Variants in SH3PXD2A observed in about 807,000 individuals in gnomAD.
SH3PXD2A encodes SH3 and PX domain-containing protein 2A.
A neutral mutation model predicts 115.2 loss-of-function variants in SH3PXD2A; 32 were observed. The observed-to-expected ratio is 0.28, with a 90% CI of 0.21 to 0.37. SH3PXD2A has a LOEUF of 0.37. SH3PXD2A is among the 10% of genes least tolerant of loss of function. The pLI is 1.00. For missense variants in SH3PXD2A, 1,328 were observed against 1,498.7 expected, an observed-to-expected ratio of 0.89 and a Z score of 1.88; for synonymous variants, 610 against 629.1, an observed-to-expected ratio of 0.97 and a Z score of 0.45.
Position 103,603,738 on chromosome 10 carries a change from C to T in SH3PXD2A, c.1480G>A (p.Glu494Lys). The T allele has an allele frequency of 6.2e-7, 1 of 1,611,188 alleles. No homozygotes were observed. Among genetic ancestry groups the T allele is most frequent in the Non-Finnish European group, 8.5e-7 (1 of 1,179,958 alleles). Residue 494 changes from glutamate to lysine, a missense_variant, in exon 15 of 15, where the codon GAG becomes AAG. Physicochemically the swap from Glu to Lys is moderately conservative, Grantham distance 56 (BLOSUM62 1). Around this residue, in one of 5 missense-constraint regions of SH3PXD2A, gnomAD observed 509 missense variants for 628.3 expected, o/e 0.81. Transcript: ENST00000369774. ...ATGTATGATGCGGGGGCCCAGCCCT[C>T]CTTCTCACCGATCTGCACGTACCAC... ...GWWYVQIGEK[E>K]GWAPASYIDK...
At chr10:103,644,094 G>A (rs562382928) in intron 8 of SH3PXD2A, among the ~76,000 whole-genome samples, 5 of 140,190 alleles carry the variant, frequency 3.6e-5, no homozygotes, top group South Asian at 4.7e-4. Context: ...CAGCCTGGGC[G>A]ACAGAGCGAG....
intron 1 of SH3PXD2A, among the ~76,000 whole-genome samples, chr10:103,820,965 G>A (rs1184321991): frequency 6.6e-6 from 1 of 152,184 alleles, no homozygotes. Flanking sequence ...CTTAACTGGT[G>A]TAAGATCTTG....
Position 103,620,892 on chromosome 10 carries a change from T to C in SH3PXD2A, c.802+1578A>G, listed in dbSNP as rs1399270951. Reference sequence around the variant, plus strand: ...ATGAAGCTGTATGTGCCCTTGTGAGTGTTGCTGTGGAGGAATGGGTGGCGT... The same window carrying C: ...ATGAAGCTGTATGTGCCCTTGTGAGCGTTGCTGTGGAGGAATGGGTGGCGT... On this transcript the variant is annotated intron_variant, in intron 10 of 14. Coordinates refer to ENST00000369774, the MANE Select transcript of SH3PXD2A (RefSeq NM_001394015.1). This position sits in a 1 kb window ranked among gnomAD's most constrained non-coding sequence, Gnocchi z 5.3. Among the ~76,000 whole-genome samples, 1 of 152,046 alleles carries C rather than the reference T, an allele frequency of 6.6e-6. No individual in the cohort carries two copies. Among genetic ancestry groups the C allele is most frequent in the East Asian group, 1.9e-4 (1 of 5,200 alleles).
At chr10:103,824,702 C>T (rs1027685680) in intron 1 of SH3PXD2A, among the ~76,000 whole-genome samples, 1 of 152,188 alleles carries the variant, frequency 6.6e-6, no homozygotes, top group Non-Finnish European at 1.5e-5. Context: ...CCCTCCTACC[C>T]TGCTCTCATA....
At chr10:103,800,664 CCTGA>C (rs1324491153) in intron 2 of SH3PXD2A, among the ~76,000 whole-genome samples, 1 of 152,188 alleles carries the variant, frequency 6.6e-6, no homozygotes, top group Non-Finnish European at 1.5e-5. Context: ...CCCAAAGAGG[CCTGA>C]CTAACTTAGC....
chr10:103,684,873 AACTGGACGTGG>A (rs1002688776), intron 6 of SH3PXD2A, among the ~76,000 whole-genome samples: 4 of 151,902 alleles, frequency 2.6e-5, no homozygotes, highest in African/African-American at 9.7e-5. Context: ...TACAAAAACT[AACTGGACGTGG>A]TGGTGCATGT....
At chr10:103,842,653 G>C (rs10786771) in intron 1 of SH3PXD2A, among the ~76,000 whole-genome samples, 132,339 of 152,172 alleles carry the variant, frequency 0.87, 58,727 homozygotes, top group East Asian at 0.99. Context: ...TCGTCTTTCC[G>C]TCTTTCCGCA....
intron 5 of SH3PXD2A, among the ~76,000 whole-genome samples, chr10:103,704,393 C>T (rs777442666): frequency 2.0e-5 from 3 of 152,152 alleles, no homozygotes; most frequent in Admixed American, 2.0e-4. Context: ...AGGGTAAAGC[C>T]ACTTTGCTGA....
intron 1 of SH3PXD2A, among the ~76,000 whole-genome samples, chr10:103,843,267 T>C (rs978167621): frequency 8.5e-5 from 13 of 152,214 alleles, no homozygotes; most frequent in Admixed American, 5.9e-4. Flanking sequence ...CAGCTGCCGA[T>C]GCTCTGCCCC....
At chr10:103,610,212 C>G (rs2036404614) in intron 13 of SH3PXD2A, among the ~76,000 whole-genome samples, 1 of 152,238 alleles carries the variant, frequency 6.6e-6, no homozygotes, top group Admixed American at 6.5e-5. Context: ...TTCCTGGCCC[C>G]AGGGCCTGGC....
At chr10:103,642,165 A>G (rs1459449536) in intron 8 of SH3PXD2A, among the ~76,000 whole-genome samples, 1 of 148,642 alleles carries the variant, frequency 6.7e-6, no homozygotes, top group Non-Finnish European at 1.5e-5. Flanking sequence ...TTTTTTTTTA[A>G]CTTCAAGAAA....
chr10:103,769,674 C>T (rs1196405960), intron 2 of SH3PXD2A, among the ~76,000 whole-genome samples: 1 of 152,036 alleles, frequency 6.6e-6, no homozygotes, highest in East Asian at 1.9e-4. Flanking sequence ...TCAAGTGATC[C>T]GCCTGCCTCA....
chr10:103,618,214 A>G (rs1257904032), intron 10 of SH3PXD2A, among the ~76,000 whole-genome samples: 1 of 152,090 alleles, frequency 6.6e-6, no homozygotes, highest in Non-Finnish European at 1.5e-5. Context: ...GTGTGGGGAG[A>G]GTGGGGCACC....
chr10:103,713,764 A>G (rs563280413), intron 5 of SH3PXD2A, among the ~76,000 whole-genome samples: 3 of 152,330 alleles, frequency 2.0e-5, no homozygotes, highest in African/African-American at 7.2e-5. Context: ...AGGCAAGGAC[A>G]TTGAGGTTTT....
chr10:103,662,448 G>A (rs1259600356), intron 7 of SH3PXD2A, among the ~76,000 whole-genome samples: 1 of 134,848 alleles, frequency 7.4e-6, no homozygotes, highest in Admixed American at 7.8e-5. Context: ...GCCGGACTGC[G>A]GACTGCAGTG....
chr10:103,684,172 G>GGACAGCCCTCCTCACACTTCCACCT (rs907137161), intron 6 of SH3PXD2A, among the ~76,000 whole-genome samples: 31 of 152,158 alleles, frequency 2.0e-4, no homozygotes, highest in Middle Eastern at 3.4e-3. Flanking sequence ...CTGTGCTTCA[G>GGACAGCCCTCCTCACACTTCCACCT]GACAGCCCTC....
intron 12 of SH3PXD2A, 116 bp downstream of exon 12, chr10:103,612,737 T>C (rs2036446877): frequency 1.5e-6 from 1 of 651,928 alleles, no homozygotes; most frequent in Non-Finnish European, 2.6e-6. Flanking sequence ...GGCCAGTCTG[T>C]AGCCCAGGAG....
chr10:103,654,917 C>G (rs191603442), intron 8 of SH3PXD2A, among the ~76,000 whole-genome samples: 202 of 152,314 alleles, frequency 1.3e-3, no homozygotes, highest in African/African-American at 4.5e-3. Flanking sequence ...CCTGCAGTCT[C>G]CTTCTCAACA....
At chr10:103,720,696 C>T (rs772646622) in intron 5 of SH3PXD2A, among the ~76,000 whole-genome samples, 6 of 152,220 alleles carry the variant, frequency 3.9e-5, no homozygotes, top group Non-Finnish European at 7.3e-5. Flanking sequence ...ATGTTCTAGG[C>T]TGGAGGGAAG....
Sources: gnomAD v4.1 joint callset for allele counts (sites outside exome capture counted in the v4.1 genomes callset) on GRCh38, gnomAD v4.1.1 for gene constraint, gnomAD v4.1.1 regional missense constraint, Gnocchi (gnomAD v3.1) non-coding constraint, MANE v1.5 for transcripts, NCBI Gene and HGNC (gene_info 2026-07-23, HGNC 2026-07-21) for gene names.